The following PLXDC2 variants were observed in gnomAD, a reference collection of about 807,000 sequenced individuals.
PLXDC2 encodes plexin domain containing 2, also known as plexin domain-containing protein 2.
Under a neutral mutation model 68.9 loss-of-function variants are expected in PLXDC2, and 40 were observed. The observed-to-expected ratio is 0.58, with a 90% confidence interval of 0.45 to 0.76. The LOEUF is 0.76. Among genes scored for constraint, PLXDC2 ranks in the 30% least tolerant of loss-of-function variants. The probability of loss-of-function intolerance (pLI) is 0.00; values close to 1 mark genes in which losing one functional copy is unlikely to be tolerated. For synonymous variants in PLXDC2, 243 were observed against 234.2 expected, an observed-to-expected ratio of 1.04 and a Z score of -0.34; for missense variants, 644 against 661.9, an observed-to-expected ratio of 0.97 and a Z score of 0.30.
chr10:19,997,149 T>C (rs1184838071), intron 1 of PLXDC2, among the ~76,000 whole-genome samples: 2 of 152,224 alleles, frequency 1.3e-5, no homozygotes, highest in Non-Finnish European at 2.9e-5. Context: ...AAACATTCTG[T>C]AAGCTTTATC....
intron 1 of PLXDC2, among the ~76,000 whole-genome samples, chr10:19,830,957 T>C (rs1836678677): frequency 6.6e-6 from 1 of 152,014 alleles, no homozygotes; most frequent in African/African-American, 2.4e-5. Flanking sequence ...TCCCACTAAA[T>C]TGTAAGCTCT....
At chr10:19,830,076 T>C (rs1836659230) in intron 1 of PLXDC2, among the ~76,000 whole-genome samples, 2 of 152,198 alleles carry the variant, frequency 1.3e-5, no homozygotes, top group South Asian at 4.1e-4. Context: ...GAGAATTCCA[T>C]AGTTAAAAAT....
At chr10:20,033,182 TA>T (rs1835528480) in intron 2 of PLXDC2, among the ~76,000 whole-genome samples, 2 of 149,784 alleles carry the variant, frequency 1.3e-5, no homozygotes, top group African/African-American at 4.9e-5. Flanking sequence ...TAAAGTATAA[TA>T]AAAAATATAT....
At chr10:19,861,162 G>A (rs182445224) in intron 1 of PLXDC2, among the ~76,000 whole-genome samples, 3 of 151,988 alleles carry the variant, frequency 2.0e-5, no homozygotes, top group Non-Finnish European at 4.4e-5. Flanking sequence ...AGCCTCCCAA[G>A]TAGCTGAGGT....
chr10:20,023,960 G>C (rs1031477499), intron 2 of PLXDC2, among the ~76,000 whole-genome samples: 4 of 151,968 alleles, frequency 2.6e-5, no homozygotes, highest in African/African-American at 4.8e-5. Context: ...TATATCAACT[G>C]CCAGGACATT....
intron 1 of PLXDC2, among the ~76,000 whole-genome samples, chr10:19,902,516 G>A (rs1043740132): frequency 6.6e-6 from 1 of 152,078 alleles, no homozygotes; most frequent in Non-Finnish European, 1.5e-5. Flanking sequence ...CTACTGATTT[G>A]TATACATTAA....
chr10:20,201,764 TAAA>T (rs1834923052), intron 9 of PLXDC2, among the ~76,000 whole-genome samples: 1 of 152,064 alleles, frequency 6.6e-6, no homozygotes, highest in East Asian at 1.9e-4. Flanking sequence ...ATATATCAAT[TAAA>T]AGATTTCCTC....
At chr10:20,088,530 C>T (rs762514043) in intron 4 of PLXDC2, among the ~76,000 whole-genome samples, 2 of 152,110 alleles carry the variant, frequency 1.3e-5, no homozygotes, top group Non-Finnish European at 2.9e-5. Context: ...GTTGAGGAAA[C>T]CAAAAGGCAT....
intron 1 of PLXDC2, among the ~76,000 whole-genome samples, chr10:19,823,132 G>A (rs552945705): frequency 6.6e-6 from 1 of 151,802 alleles, no homozygotes; most frequent in East Asian, 2.0e-4. Flanking sequence ...TAGCCAGGAT[G>A]GTCTCGATCT....
At chr10:20,251,273 GT>G (rs1308544830) in intron 13 of PLXDC2, among the ~76,000 whole-genome samples, 2 of 152,012 alleles carry the variant, frequency 1.3e-5, no homozygotes, top group African/African-American at 2.4e-5. Context: ...TTTTCTAAAG[GT>G]TGTCTGATTT....
chr10:19,981,882 G>A lies in PLXDC2; in HGVS notation c.113-19893G>A, dbSNP rs116080551. 8.6e-3 allele frequency among the ~76,000 whole-genome samples: 1,307 copies of A among 152,320 alleles called. 21 individuals are homozygous for A. Among genetic ancestry groups the A allele is most frequent in the African/African-American group, 0.031 (1,268 of 41,570 alleles). On this transcript the variant is annotated intron_variant, in intron 1 of 13. Transcript: ENST00000377252. ...CCCTTCAGGCCTTTCTGAAGATGAA[G>A]TGCTAGTCCCGATTCATTGTAAAGC...
intron 4 of PLXDC2, among the ~76,000 whole-genome samples, chr10:20,117,646 C>A (rs1483584782): frequency 6.6e-6 from 1 of 152,040 alleles, no homozygotes; most frequent in Non-Finnish European, 1.5e-5. Context: ...ATGTATTGCC[C>A]AGCAGTAAGA....
At chr10:19,817,234 G>GT in intron 1 of PLXDC2, 43 bp downstream of exon 1, 1 of 1,479,096 alleles carries the variant, frequency 6.8e-7, no homozygotes, top group South Asian at 1.2e-5. Context: ...GTGCGCAGCT[G>GT]AAGACCTCTC....
intron 4 of PLXDC2, among the ~76,000 whole-genome samples, chr10:20,123,117 C>T (rs962019840): frequency 1.1e-4 from 16 of 152,064 alleles, no homozygotes; most frequent in African/African-American, 1.9e-4. Flanking sequence ...AACTGTAAGC[C>T]GGACCAGGTG....
intron 9 of PLXDC2, among the ~76,000 whole-genome samples, chr10:20,197,083 G>A (rs1187321624): frequency 6.6e-6 from 1 of 152,036 alleles, no homozygotes; most frequent in African/African-American, 2.4e-5. Context: ...TGTACTTTTA[G>A]TTAACTGGAA....
chr10:20,180,068 A>G (rs1467043249), intron 9 of PLXDC2, among the ~76,000 whole-genome samples: 1 of 152,112 alleles, frequency 6.6e-6, no homozygotes, highest in Non-Finnish European at 1.5e-5. Flanking sequence ...ACAAGAAAGT[A>G]TCATCGTTTT....
chr10:20,021,572 A>G (rs1056819255), intron 2 of PLXDC2, among the ~76,000 whole-genome samples: 20 of 152,094 alleles, frequency 1.3e-4, no homozygotes, highest in Non-Finnish European at 2.6e-4. Context: ...TCTGTACACA[A>G]TAAGGCCACC....
Position 20,149,229 on chromosome 10 carries a change from C to CTTTTTTTTTT in PLXDC2, c.783+1344_783+1353dup, listed in dbSNP as rs71200986. ...ATTTTTCTTTCTTTTTTTTTCTTTTCTTTTTTTTTTTTTTTTTTTTTTTTT... is the reference window on the plus strand; with the variant it reads ...ATTTTTCTTTCTTTTTTTTTCTTTTCTTTTTTTTTTTTTTTTTTTTTTTTTTTTTTTTTTT... On this transcript the variant is annotated intron_variant, in intron 6 of 13. Transcript: ENST00000377252. Among the ~76,000 whole-genome samples the CTTTTTTTTTT allele has an allele frequency of 5.4e-4, 19 of 34,924 alleles. 1 individual carries two copies. Among genetic ancestry groups the CTTTTTTTTTT allele is most frequent in the African/African-American group, 1.1e-3 (9 of 8,420 alleles). 22.9% of individuals were successfully genotyped at this position (34,924 alleles called of 152,430 possible). A position where few individuals can be genotyped will look rare whatever the true frequency, so the allele number is the denominator to read the frequency against.
intron 3 of PLXDC2, among the ~76,000 whole-genome samples, chr10:20,053,697 A>G (rs551911883): frequency 1.3e-5 from 2 of 152,252 alleles, no homozygotes; most frequent in African/African-American, 4.8e-5. Context: ...AGTTGATGAC[A>G]TTCTGATTCA....
Sources: allele counts gnomAD v4.1 joint callset (sites outside exome capture counted in the v4.1 genomes callset), GRCh38; gene constraint gnomAD v4.1.1; transcripts MANE v1.5; gene names NCBI Gene and HGNC (gene_info 2026-07-23, HGNC 2026-07-21).